Variants in LAMA1 observed in about 807,000 individuals in gnomAD.
LAMA1 encodes laminin subunit alpha-1.
In LAMA1, 219 loss-of-function variants were observed where a neutral mutation model predicts 348.7. The observed-to-expected ratio is 0.63, with a 90% CI of 0.56 to 0.70. LAMA1 has a LOEUF of 0.70. Ranked by LOEUF, LAMA1 falls within the 30% of genes least tolerant of loss-of-function variation. The probability of loss-of-function intolerance (pLI) is 0.00; values close to 1 mark genes in which losing one functional copy is unlikely to be tolerated. For missense variants in LAMA1, 3,744 were observed against 3,888.0 expected (o/e 0.96, Z 0.99); for synonymous variants, 1,487 against 1,491.0 (o/e 1.00, Z 0.06).
Position 6,965,297 on chromosome 18 carries a change from G to T in LAMA1, c.7186C>A (p.Arg2396=). 6.2e-7 allele frequency: 1 copy of T among 1,614,112 alleles called. No individual in the cohort carries two copies. Among genetic ancestry groups the T allele is most frequent in the Non-Finnish European group, 8.5e-7 (1 of 1,180,018 alleles). ...TWYKIAFQRN[R]KQGVLAVIDA... ...CCATCTGTGTCCCTACCTTGCTTCCGGTTTCGCTGGAAGGCAATTTTGTAC... is the reference window on the plus strand; with the variant it reads ...CCATCTGTGTCCCTACCTTGCTTCCTGTTTCGCTGGAAGGCAATTTTGTAC... Residue 2396 remains arginine (R), a synonymous_variant, in exon 50 of 63, where the codon CGG becomes AGG. Transcript: ENST00000389658.
chr18:6,997,906 A>G (rs2057790203), intron 32 of LAMA1, 22 bp from the exon 33 acceptor site: 1 of 1,612,846 alleles, frequency 6.2e-7, no homozygotes, highest in South Asian at 1.1e-5. Context: ...ATTTTTAAAA[A>G]GGAGAGTTAA....
At chr18:6,980,204 T>C (rs2057704602) in intron 42 of LAMA1, among the ~76,000 whole-genome samples, 1 of 152,228 alleles carries the variant, frequency 6.6e-6, no homozygotes, top group Non-Finnish European at 1.5e-5. Flanking sequence ...CTTTACTTGC[T>C]GACTTCTTTC....
chr18:6,967,349 T>C (rs1039918091), intron 48 of LAMA1, among the ~76,000 whole-genome samples: 1 of 152,248 alleles, frequency 6.6e-6, no homozygotes, highest in African/African-American at 2.4e-5. Context: ...AGCCTGTGGC[T>C]TCCTAGCCAT....
chr18:7,048,634 C>T (rs2058051057), intron 5 of LAMA1, among the ~76,000 whole-genome samples: 2 of 152,142 alleles, frequency 1.3e-5, no homozygotes, highest in Admixed American at 6.6e-5. Flanking sequence ...TAATCCCACT[C>T]CTGGGTTATT....
intron 3 of LAMA1, among the ~76,000 whole-genome samples, chr18:7,054,002 C>A (rs1173005331): frequency 6.6e-6 from 1 of 152,222 alleles, no homozygotes; most frequent in South Asian, 2.1e-4. Flanking sequence ...AACTCCTGGG[C>A]TCAAGTGGTC....
At chr18:6,998,015 A>G (rs1409163917) in intron 32 of LAMA1, 131 bp from the exon 33 acceptor site, 8 of 797,244 alleles carry the variant, frequency 1.0e-5, no homozygotes, top group African/African-American at 1.7e-5. Context: ...GACCCCGTGC[A>G]CCACATCTGA....
intron 1 of LAMA1, among the ~76,000 whole-genome samples, chr18:7,085,947 A>C (rs1226587698): frequency 2.6e-5 from 4 of 152,236 alleles, no homozygotes; most frequent in Admixed American, 2.6e-4. Flanking sequence ...AAGGTATTCT[A>C]ATAACATAGT....
intron 1 of LAMA1, among the ~76,000 whole-genome samples, chr18:7,115,824 A>AAAAAAAAAC (rs2058353854): frequency 1.3e-5 from 2 of 149,382 alleles, no homozygotes; most frequent in African/African-American, 4.9e-5. Context: ...CAAAAAAAAA[A>AAAAAAAAAC]AAAAAAAAAT....
At chr18:7,063,708 T>A (rs1184465435) in intron 3 of LAMA1, among the ~76,000 whole-genome samples, 1 of 152,204 alleles carries the variant, frequency 6.6e-6, no homozygotes, top group Non-Finnish European at 1.5e-5. Context: ...ACAACATAGA[T>A]AAGCCTTGAG....
intron 50 of LAMA1, among the ~76,000 whole-genome samples, chr18:6,965,027 C>CA (rs1489347859): frequency 6.6e-6 from 1 of 152,112 alleles, no homozygotes; most frequent in African/African-American, 2.4e-5. Flanking sequence ...TGGAAGAAAA[C>CA]AGAATGGATT....
intron 3 of LAMA1, among the ~76,000 whole-genome samples, chr18:7,055,165 T>C (rs76580574): frequency 0.049 from 7,480 of 151,486 alleles, 448 homozygotes; most frequent in East Asian, 0.2. Flanking sequence ...TATATAAAAA[T>C]TTAGGCCAGG....
Position 6,958,573 on chromosome 18 carries a change from A to G in LAMA1, c.7868T>C (p.Leu2623Pro), listed in dbSNP as rs140908333. Reference protein sequence around the residue: ...VESRTINVSNLYVGGIPEGEG... With the variant: ...VESRTINVSNPYVGGIPEGEG... ...TCCCTCTGGAATTCCCCCGACGTAC[A>G]GATTGGACACATTTATCGTCCTGCT... The change falls in exon 55 of 63, where the codon CTG becomes CCG. Residue 2623 changes from leucine to proline, a missense_variant. Transcript: ENST00000389658. The G allele has an allele frequency of 1.2e-6, 2 of 1,614,228 alleles. No homozygotes were observed. Among genetic ancestry groups the G allele is most frequent in the Non-Finnish European group, 1.7e-6 (2 of 1,180,014 alleles).
At chr18:7,007,695 C>T (rs560656893) in intron 28 of LAMA1, among the ~76,000 whole-genome samples, 58 of 152,244 alleles carry the variant, frequency 3.8e-4, no homozygotes, top group Non-Finnish European at 6.5e-4. Context: ...ATGTTCATAG[C>T]GGCATTATTC....
intron 57 of LAMA1, among the ~76,000 whole-genome samples, chr18:6,952,808 T>G (rs1486750232): frequency 1.3e-5 from 2 of 149,794 alleles, no homozygotes; most frequent in Non-Finnish European, 3.0e-5. Flanking sequence ...GGGAGCCATG[T>G]CTGCCCGTGT....
intron 22 of LAMA1, among the ~76,000 whole-genome samples, chr18:7,015,023 TA>T (rs1365908346): frequency 6.6e-6 from 1 of 151,922 alleles, no homozygotes; most frequent in Non-Finnish European, 1.5e-5. Flanking sequence ...ATTTTTTTTG[TA>T]TTTTTAGTAG....
In LAMA1 at chr18:7,012,056, G is replaced by C; in HGVS notation, c.3446C>G (p.Pro1149Arg). Residue 1149 changes from proline to arginine, a missense_variant, in exon 24 of 63, where the codon CCG becomes CGG. By Grantham distance (103) the Pro-to-Arg change is moderately radical (BLOSUM62 -2). Around this residue, in one of 3 missense-constraint regions of LAMA1, gnomAD observed 1,529 missense variants for 1,689.4 expected, o/e 0.91. Transcript: ENST00000389658. ...LRADNPLGCS[P>R]CFCSGLSHLC... Reference sequence around the variant, plus strand: ...GTGGGACAGCCCGGAGCAGAAGCACGGGCTGCAGCCCAGGGGGTTGTCTGC... The same window carrying C: ...GTGGGACAGCCCGGAGCAGAAGCACCGGCTGCAGCCCAGGGGGTTGTCTGC... The C allele has an allele frequency of 1.9e-6, 3 of 1,612,320 alleles. No individual in the cohort carries two copies. Among genetic ancestry groups the C allele is most frequent in the Non-Finnish European group, 2.5e-6 (3 of 1,179,158 alleles).
intron 33 of LAMA1, among the ~76,000 whole-genome samples, chr18:6,996,515 A>C (rs765025105): frequency 1.7e-4 from 26 of 152,184 alleles, no homozygotes; most frequent in Non-Finnish European, 3.1e-4. Flanking sequence ...GCTCATGCCT[A>C]TAATCCCAGA....
chr18:7,029,686 G>A (rs1437695851), intron 16 of LAMA1, among the ~76,000 whole-genome samples: 2 of 151,956 alleles, frequency 1.3e-5, no homozygotes, highest in Non-Finnish European at 2.9e-5. Context: ...AACATCTTTC[G>A]ATTGAAAAAA....
intron 1 of LAMA1, among the ~76,000 whole-genome samples, chr18:7,080,850 A>AAAAT (rs754303764): frequency 2.8e-4 from 43 of 152,144 alleles, no homozygotes; most frequent in Non-Finnish European, 4.3e-4. Context: ...TTCTACCTCA[A>AAAAT]AAATAAATAA....
Sources: gnomAD v4.1 joint callset for allele counts (sites outside exome capture counted in the v4.1 genomes callset) on GRCh38, gnomAD v4.1.1 for gene constraint, gnomAD v4.1.1 regional missense constraint, MANE v1.5 for transcripts, NCBI Gene and HGNC (gene_info 2026-07-23, HGNC 2026-07-21) for gene names.